Variants in THSD7B observed in about 807,000 individuals in gnomAD.
The protein encoded by THSD7B is thrombospondin type-1 domain-containing protein 7B.
THSD7B carries 138 observed loss-of-function variants against 213.6 expected under a neutral mutation model. That is an observed-to-expected ratio of 0.65 (90% CI 0.56 to 0.74). The LOEUF (loss-of-function observed/expected upper bound fraction) is 0.74, where lower values mean the gene tolerates loss of function less well. Ranked by LOEUF, THSD7B falls within the 30% of genes least tolerant of loss-of-function variation. The pLI is 0.00. For synonymous variants in THSD7B, 742 were observed against 687.0 expected (o/e 1.08, Z -1.25); for missense variants, 1,931 against 1,991.5 (o/e 0.97, Z 0.58).
At chr2:137,259,087 G>C (rs1350148191) in intron 10 of THSD7B, among the ~76,000 whole-genome samples, 1 of 152,110 alleles carries the variant, frequency 6.6e-6, no homozygotes. Flanking sequence ...GTCTATCATT[G>C]ATGGGCATTT....
intron 12 of THSD7B, among the ~76,000 whole-genome samples, chr2:137,277,693 A>G (rs953538612): frequency 6.6e-6 from 1 of 152,146 alleles, no homozygotes; most frequent in Non-Finnish European, 1.5e-5. Context: ...ATGGCAAAGT[A>G]TTTTGCAGAA....
chr2:137,087,514 C>A (rs529702672), intron 3 of THSD7B, among the ~76,000 whole-genome samples: 28 of 152,260 alleles, frequency 1.8e-4, no homozygotes, highest in African/African-American at 5.8e-4. Context: ...CAACAGCGAC[C>A]AAGCTGAGAA....
intron 2 of THSD7B, among the ~76,000 whole-genome samples, chr2:137,024,422 G>A (rs772388121): frequency 4.6e-5 from 7 of 152,230 alleles, no homozygotes; most frequent in South Asian, 2.1e-4. Context: ...AGGCTGCTTC[G>A]CTGAGGATAG....
chr2:137,057,221 C>T lies in THSD7B; in HGVS notation c.941C>T (p.Ala314Val). 1 of 1,609,932 alleles carries T rather than the reference C, an allele frequency of 6.2e-7. No individual in the cohort carries two copies. The highest frequency in any genetic ancestry group is 8.5e-7 in the Non-Finnish European group (1 of 1,177,522). ...TGTACAAGAAGTGATGGACAAAATG[C>T]TATGTTAAGGTAGGAGACCTTTGAT... is the stretch of plus-strand genomic sequence containing the variant. Reference protein sequence around the residue: ...VSCTRSDGQNAMLSLCLQDSF... With the variant: ...VSCTRSDGQNVMLSLCLQDSF... Residue 314 changes from alanine (A) to valine (V), a missense_variant, in exon 3 of 28, where the codon GCT (alanine) becomes GTT (valine). Physicochemically the swap from Ala to Val is moderately conservative, Grantham distance 64 (BLOSUM62 0). Coordinates refer to ENST00000409968, the MANE Select transcript of THSD7B (RefSeq NM_001316349.2).
intron 12 of THSD7B, among the ~76,000 whole-genome samples, chr2:137,297,396 G>A (rs1451844777): frequency 6.6e-6 from 1 of 150,738 alleles, no homozygotes; most frequent in Non-Finnish European, 1.5e-5. Context: ...TTATAGGTAA[G>A]TATGTGGAGT....
intron 17 of THSD7B, among the ~76,000 whole-genome samples, chr2:137,584,273 G>T (rs1234230428): frequency 6.6e-6 from 1 of 152,174 alleles, no homozygotes; most frequent in Non-Finnish European, 1.5e-5. Context: ...ATACAATCAT[G>T]TCATCTGCAA....
At chr2:137,355,347 C>CATATGGCT (rs921244011) in intron 12 of THSD7B, among the ~76,000 whole-genome samples, 56 of 152,184 alleles carry the variant, frequency 3.7e-4, no homozygotes, top group African/African-American at 1.3e-3. Flanking sequence ...TAAGTGATAT[C>CATATGGCT]ATATGGCTGA....
chr2:137,225,397 C>G (rs1415899463), intron 7 of THSD7B, among the ~76,000 whole-genome samples: 2 of 152,050 alleles, frequency 1.3e-5, no homozygotes, highest in Non-Finnish European at 1.5e-5. Flanking sequence ...GTGTAGAGTC[C>G]CTTATTTATG....
At chr2:137,440,583 A>G (rs1290996909) in intron 14 of THSD7B, among the ~76,000 whole-genome samples, 1 of 152,020 alleles carries the variant, frequency 6.6e-6, no homozygotes, top group African/African-American at 2.4e-5. Flanking sequence ...AGGTCCTGCT[A>G]TTCAGTTCCA....
intron 14 of THSD7B, among the ~76,000 whole-genome samples, chr2:137,450,062 A>G (rs1474073219): frequency 6.6e-6 from 1 of 152,190 alleles, no homozygotes; most frequent in African/African-American, 2.4e-5. Flanking sequence ...AGTTTTAGAC[A>G]TGTTGAATTT....
chr2:137,435,714 T>C (rs142954282), intron 14 of THSD7B, among the ~76,000 whole-genome samples: 2 of 152,164 alleles, frequency 1.3e-5, no homozygotes, highest in East Asian at 3.9e-4. Flanking sequence ...AACACTGAAG[T>C]AGTCTCAGGT....
intron 17 of THSD7B, among the ~76,000 whole-genome samples, chr2:137,600,663 G>C (rs193064863): frequency 6.6e-6 from 1 of 152,184 alleles, no homozygotes; most frequent in Non-Finnish European, 1.5e-5. Flanking sequence ...ACTTGAACCC[G>C]TGGGGAAGAG....
intron 7 of THSD7B, among the ~76,000 whole-genome samples, chr2:137,206,022 T>C (rs1680976485): frequency 6.8e-6 from 1 of 147,658 alleles, no homozygotes. Flanking sequence ...AAAAAAATAG[T>C]TTATATTTCC....
intron 2 of THSD7B, among the ~76,000 whole-genome samples, chr2:136,893,155 G>C (rs1321906763): frequency 6.6e-6 from 1 of 151,988 alleles, no homozygotes; most frequent in Non-Finnish European, 1.5e-5. Context: ...TGTTGAACTG[G>C]GTTAATTTTA....
At chr2:136,817,503 G>GT (rs1314090175) in intron 1 of THSD7B, among the ~76,000 whole-genome samples, 1 of 151,252 alleles carries the variant, frequency 6.6e-6, no homozygotes, top group Non-Finnish European at 1.5e-5. Flanking sequence ...TAGGTCTAAC[G>GT]TTTAAGTCTT....
At position 137,195,879 on chromosome 2, in the gene THSD7B, A is replaced by G. The variant is rs1163979057; in HGVS notation, c.1723+24941A>G. 2.0e-5 allele frequency among the ~76,000 whole-genome samples: 3 copies of G among 152,188 alleles called. No individual in the cohort carries two copies. In the East Asian group the frequency reaches 5.8e-4, roughly 29 times the overall value. On this transcript the variant is annotated intron_variant, in intron 7 of 27. Transcript: ENST00000409968. ...ATCTGAAACTATATACCCACAAGAT[A>G]TATTTTTATTATAAGAGGTAAAATG...
In THSD7B at chr2:137,400,847, T is replaced by C. The variant is rs1686338542; in HGVS notation, c.2501-4766T>C. Reference sequence around the variant, plus strand: ...CCAGGGGTGTGGATCCTGTGCTGTGTCCTGGAGCAGGGGAAGAAGGTAGGT... The same window carrying C: ...CCAGGGGTGTGGATCCTGTGCTGTGCCCTGGAGCAGGGGAAGAAGGTAGGT... On this transcript the variant is annotated intron_variant, in intron 12 of 27. Transcript: ENST00000409968. Among the ~76,000 whole-genome samples the C allele has an allele frequency of 2.6e-5, 4 of 151,992 alleles. No homozygotes were observed. In the South Asian group the frequency reaches 8.3e-4, roughly 32 times the overall value.
chr2:137,646,650 T>TTAA (rs147054450), intron 21 of THSD7B, among the ~76,000 whole-genome samples: 13,023 of 130,084 alleles, frequency 0.1, 696 homozygotes, highest in South Asian at 0.15. Flanking sequence ...ACACTCCATC[T>TTAA]TAATAATAAT....
At chr2:137,357,821 G>A (rs1685168326) in intron 12 of THSD7B, among the ~76,000 whole-genome samples, 1 of 152,152 alleles carries the variant, frequency 6.6e-6, no homozygotes, top group African/African-American at 2.4e-5. Flanking sequence ...CCATGTGATT[G>A]TAACCATGAG....
Sources: allele counts gnomAD v4.1 joint callset (sites outside exome capture counted in the v4.1 genomes callset), GRCh38; gene constraint gnomAD v4.1.1; transcripts MANE v1.5; gene names NCBI Gene and HGNC (gene_info 2026-07-23, HGNC 2026-07-21).